CEP131: variants seen among roughly 807,000 people sequenced by gnomAD.
CEP131 encodes centrosomal protein 131.
Under a neutral mutation model 136.8 loss-of-function variants are expected in CEP131, and 99 were observed. The ratio of observed to expected loss-of-function variants is 0.72; its 90% CI spans 0.62 to 0.86. CEP131 has a LOEUF of 0.86. Among genes scored for constraint, CEP131 ranks in the 40% least tolerant of loss-of-function variants. The pLI is 0.00. For missense variants in CEP131, 1,459 were observed against 1,463.0 expected, an observed-to-expected ratio of 1.00 and a Z score of 0.04; for synonymous variants, 646 against 612.7, an observed-to-expected ratio of 1.05 and a Z score of -0.80.
At chr17:81,204,784 C>T (rs2061968451) in intron 5 of CEP131, among the ~76,000 whole-genome samples, 1 of 151,930 alleles carries the variant, frequency 6.6e-6, no homozygotes, top group African/African-American at 2.4e-5. Context: ...GCACCAGGCA[C>T]CAGCCCACGC....
At position 81,194,011 on chromosome 17, in the gene CEP131, G is replaced by T; in HGVS notation, c.2236C>A (p.Leu746Met). The T allele has an allele frequency of 1.3e-6, 2 of 1,563,126 alleles. No homozygotes were observed. Among genetic ancestry groups the T allele is most frequent in the Non-Finnish European group, 8.7e-7 (1 of 1,154,840 alleles). Reference protein sequence around the residue: ...QSDERASQRCLRQAEELREQL... With the variant: ...QSDERASQRCMRQAEELREQL... ...TCCCGCAGCTCCTCGGCCTGGCGCA[G>T]GCAGCGCTGCGAGGCCCGCTCATCC... The change falls in exon 18 of 26, where the codon CTG (leucine) becomes ATG (methionine). Residue 746 changes from leucine to methionine, a missense_variant. Leu to Met is a conservative substitution (Grantham distance 15, BLOSUM62 2). Around this residue, in one of 3 missense-constraint regions of CEP131, gnomAD observed 1,026 missense variants for 964.2 expected, o/e 1.06. Transcript: ENST00000450824.
chr17:81,192,427 C>T, intron 20 of CEP131, 35 bp from the exon 21 acceptor site: 3 of 1,611,646 alleles, frequency 1.9e-6, no homozygotes, highest in Non-Finnish European at 2.5e-6. Context: ...GTCAGTCCCA[C>T]CCCGTGCAGC....
At chr17:81,221,331 C>T (rs1043074053) in intron 1 of CEP131, among the ~76,000 whole-genome samples, 19 of 152,128 alleles carry the variant, frequency 1.2e-4, no homozygotes, top group Middle Eastern at 3.4e-3. Flanking sequence ...CAAACCCTGC[C>T]GGCCCCCAGC....
intron 18 of CEP131, among the ~76,000 whole-genome samples, chr17:81,193,590 G>A (rs967675698): frequency 1.3e-5 from 2 of 152,196 alleles, no homozygotes; most frequent in East Asian, 1.9e-4. Flanking sequence ...GAGGGGCCTC[G>A]AGGCCGCCTA....
intron 2 of CEP131, among the ~76,000 whole-genome samples, chr17:81,210,703 T>G (rs895221437): frequency 1.2e-4 from 18 of 151,910 alleles, no homozygotes; most frequent in African/African-American, 3.6e-4. Context: ...CCTGGCCAGG[T>G]GCCCATGCCA....
intron 1 of CEP131, among the ~76,000 whole-genome samples, chr17:81,221,445 A>G (rs2146778887): frequency 6.6e-6 from 1 of 152,234 alleles, no homozygotes; most frequent in Non-Finnish European, 1.5e-5. Context: ...ACAGCTTCCT[A>G]GGCACAGAGA....
At chr17:81,212,829 G>A (rs1033723838) in intron 2 of CEP131, among the ~76,000 whole-genome samples, 1 of 152,126 alleles carries the variant, frequency 6.6e-6, no homozygotes, top group African/African-American at 2.4e-5. Flanking sequence ...CAACACCAAT[G>A]GTTACTAGGT....
chr17:81,201,359 G>C (rs1490039174), intron 7 of CEP131, among the ~76,000 whole-genome samples: 3 of 152,150 alleles, frequency 2.0e-5, no homozygotes, highest in Admixed American at 6.5e-5. Flanking sequence ...AGGTACCCCC[G>C]CGACTGTCCT....
In CEP131 at chr17:81,190,753, C is replaced by T. The variant is rs537921227; in HGVS notation, c.2993G>A (p.Arg998His). 124 of 1,611,840 alleles carry T rather than the reference C, an allele frequency of 7.7e-5. No individual in the cohort carries two copies. Among genetic ancestry groups the T allele is most frequent in the Non-Finnish European group, 9.7e-5 (115 of 1,179,596 alleles). The change falls in exon 24 of 26, where the codon CGC becomes CAC. Residue 998 changes from arginine (R) to histidine (H), a missense_variant. Around this residue, in one of 3 missense-constraint regions of CEP131, gnomAD observed 1,026 missense variants for 964.2 expected, o/e 1.06. Transcript: ENST00000450824. ...TGCCAGCCGGTCCTCGAACTCCTGG[C>T]GGATCACCTGGGCCAGGTTGCTGCG... ...SERSNLAQVI[R>H]QEFEDRLAAS... is the part of the protein sequence containing the mutation.
At chr17:81,207,370 C>T (rs1274240402) in intron 3 of CEP131, 131 bp from the exon 4 acceptor site, 1 of 772,102 alleles carries the variant, frequency 1.3e-6, no homozygotes, top group East Asian at 2.8e-5. Context: ...TTTCTAGGCC[C>T]AAAGCCCCCA....
intron 15 of CEP131, among the ~76,000 whole-genome samples, chr17:81,196,200 C>T (rs2061751746): frequency 6.6e-6 from 1 of 152,220 alleles, no homozygotes; most frequent in African/African-American, 2.4e-5. Context: ...CCCAGCCCAC[C>T]CCCTGCAGTG....
chr17:81,198,216 GT>G lies in CEP131; in HGVS notation c.1368del (p.Leu457TrpfsTer41). The G allele has an allele frequency of 6.3e-7, 1 of 1,597,860 alleles. No individual in the cohort carries two copies. Among genetic ancestry groups the G allele is most frequent in the Non-Finnish European group, 8.5e-7 (1 of 1,172,296 alleles). On this transcript the variant is annotated frameshift_variant, in exon 12 of 26. Transcript: ENST00000450824. LOFTEE classifies it high-confidence loss of function. Reference sequence around the variant, plus strand: ...TGCAGTGTGTGCAGCAGCTCCTCCAGTGGCCCCCTGGACTTGGCGCTCCCCC... The same window carrying G: ...TGCAGTGTGTGCAGCAGCTCCTCCAGGGCCCCCTGGACTTGGCGCTCCCCC... Reference protein sequence around the residue: ...PSRGSAKSRGPLEELLHTLQL... With the variant: ...PSRGSAKSRGXLEELLHTLQL...
At position 81,194,017 on chromosome 17, in the gene CEP131, G is replaced by A. The variant is rs369495155; in HGVS notation, c.2230C>T (p.Arg744Cys). ...AGCTCCTCGGCCTGGCGCAGGCAGCGCTGCGAGGCCCGCTCATCCGACTGC... is the reference window on the plus strand; with the variant it reads ...AGCTCCTCGGCCTGGCGCAGGCAGCACTGCGAGGCCCGCTCATCCGACTGC... ...LLQSDERASQ[R>C]CLRQAEELRE... Residue 744 changes from arginine to cysteine, a missense_variant, in exon 18 of 26, where the codon CGC becomes TGC. By Grantham distance (180) the Arg-to-Cys change is radical. This residue lies in a region of CEP131 where 1,026 missense variants were observed against 964.2 expected (regional missense o/e 1.06). Coordinates refer to ENST00000450824, the MANE Select transcript of CEP131 (RefSeq NM_014984.4). 384 of 1,566,898 alleles carry A rather than the reference G, an allele frequency of 2.5e-4. No individual in the cohort carries two copies. Among genetic ancestry groups the A allele is most frequent in the Non-Finnish European group, 3.1e-4 (360 of 1,157,014 alleles).
intron 2 of CEP131, among the ~76,000 whole-genome samples, chr17:81,217,745 C>CGGG (rs2062281729): frequency 6.6e-6 from 1 of 152,160 alleles, no homozygotes; most frequent in South Asian, 2.1e-4. Context: ...TAGCAGTCGC[C>CGGG]ACTCAACACT....
intron 8 of CEP131, 61 bp downstream of exon 8, chr17:81,200,259 ACTCAAACCC>A: frequency 8.1e-7 from 1 of 1,237,900 alleles, no homozygotes; most frequent in South Asian, 1.4e-5. Context: ...TGTCCCAGAA[ACTCAAACCC>A]CTGGGATTCT....
intron 11 of CEP131, among the ~76,000 whole-genome samples, chr17:81,198,502 G>GCCC (rs2061818441): frequency 2.6e-5 from 4 of 152,126 alleles, no homozygotes; most frequent in Non-Finnish European, 5.9e-5. Context: ...AGCCACCAGG[G>GCCC]GACTCCTCCC....
chr17:81,202,159 T>G (rs1598292692), intron 7 of CEP131, 81 bp downstream of exon 7: 1 of 560,862 alleles, frequency 1.8e-6, no homozygotes, highest in Admixed American at 3.6e-5. Context: ...TCCTCGGAGG[T>G]GTGAGCCCCC....
chr17:81,190,519 C>A lies in CEP131; in HGVS notation c.3107+120G>T. The A allele has an allele frequency of 2.4e-6, 3 of 1,274,498 alleles. No homozygotes were observed. The South Asian group carries it at 4.7e-5, about 20-fold the overall frequency. The allele number at this position is 1,274,498 out of a possible 1,614,324, so 78.9% of individuals were successfully genotyped here. On this transcript the variant is annotated intron_variant, in intron 24 of 25. Coordinates refer to ENST00000450824, the MANE Select transcript of CEP131 (RefSeq NM_014984.4). ...CCCACACCAGCCTCTGTCTACAGGG[C>A]CCTGTCTCTGCATCTCCTGGCCTTC...
At chr17:81,216,285 G>A (rs149732935) in intron 2 of CEP131, among the ~76,000 whole-genome samples, 1,723 of 150,860 alleles carry the variant, frequency 0.011, 9 homozygotes, top group Non-Finnish European at 0.018. Context: ...CTTGAACCCG[G>A]GAGGCAGAGG....
Sources: gnomAD v4.1 joint callset for allele counts (sites outside exome capture counted in the v4.1 genomes callset) on GRCh38, gnomAD v4.1.1 for gene constraint, gnomAD v4.1.1 regional missense constraint, MANE v1.5 for transcripts, NCBI Gene and HGNC (gene_info 2026-07-23, HGNC 2026-07-21) for gene names.